Variants in SBF2 observed in about 807,000 individuals in gnomAD.
SBF2 encodes SET binding factor 2, also known as myotubularin-related protein 13.
In SBF2, 112 loss-of-function variants were observed where a neutral mutation model predicts 225.2. That is an observed-to-expected ratio of 0.50 (90% CI 0.43 to 0.58). The LOEUF (loss-of-function observed/expected upper bound fraction) is 0.58, where lower values mean the gene tolerates loss of function less well. SBF2 is among the 20% of genes least tolerant of loss of function. The pLI, the probability that SBF2 is intolerant of heterozygous loss-of-function variation, is 0.00. For synonymous variants in SBF2, 763 were observed against 773.3 expected, an observed-to-expected ratio of 0.99 and a Z score of 0.22; for missense variants, 1,996 against 2,206.2, an observed-to-expected ratio of 0.90 and a Z score of 1.91.
At chr11:9,901,048 A>T (rs1861683026) in intron 16 of SBF2, among the ~76,000 whole-genome samples, 1 of 152,212 alleles carries the variant, frequency 6.6e-6, no homozygotes, top group African/African-American at 2.4e-5. Context: ...TCATTTTAAA[A>T]TTTACTTATG....
intron 2 of SBF2, among the ~76,000 whole-genome samples, chr11:10,151,462 A>T (rs1400746093): frequency 6.6e-6 from 1 of 152,202 alleles, no homozygotes; most frequent in African/African-American, 2.4e-5. Context: ...CATAGAGCTT[A>T]TTTTCTTGGT....
intron 28 of SBF2, among the ~76,000 whole-genome samples, chr11:9,825,517 G>T (rs1226912378): frequency 6.6e-6 from 1 of 152,160 alleles, no homozygotes; most frequent in Non-Finnish European, 1.5e-5. Context: ...TTGGAAAGAT[G>T]ACTCAAGGAG....
At position 10,294,064 on chromosome 11, in the gene SBF2, G is replaced by C. The variant is rs1311980728; in HGVS notation, c.6C>G (p.Ala2=). The C allele has an allele frequency of 6.5e-6, 9 of 1,384,486 alleles. No individual in the cohort carries two copies. In the East Asian group the frequency reaches 2.8e-4, roughly 44 times the overall value. The allele number at this position is 1,384,486 out of a possible 1,614,324, so 85.8% of individuals were successfully genotyped here. The stretch of plus-strand genomic sequence containing the variant: ...CCACGATGAAGTAGTCAGCCAGCCG[G>C]GCCATGGCCGCCGCCGCCGCGCTCG... The part of the protein sequence containing the change: M[A]RLADYFIVVG... The change falls in exon 1 of 40, where the codon GCC becomes GCG. Residue 2 remains alanine (A), a synonymous_variant. Coordinates refer to ENST00000256190, the MANE Select transcript of SBF2 (RefSeq NM_030962.4).
At chr11:9,907,152 C>A (rs1229422146) in intron 16 of SBF2, among the ~76,000 whole-genome samples, 1 of 152,110 alleles carries the variant, frequency 6.6e-6, no homozygotes, top group African/African-American at 2.4e-5. Context: ...ATTAAAAACA[C>A]AAATTCCTCT....
intron 13 of SBF2, among the ~76,000 whole-genome samples, chr11:9,982,084 A>G (rs1243607395): frequency 1.3e-5 from 2 of 152,148 alleles, no homozygotes; most frequent in Admixed American, 1.3e-4. Context: ...ATCACATCCG[A>G]GTCCTTTTAA....
intron 1 of SBF2, among the ~76,000 whole-genome samples, chr11:10,253,312 G>A (rs1171745937): frequency 6.6e-6 from 1 of 152,028 alleles, no homozygotes; most frequent in African/African-American, 2.4e-5. Context: ...TGAGAGAAAG[G>A]AAAGCAGAAA....
At chr11:10,051,878 G>C (rs191683538) in intron 2 of SBF2, among the ~76,000 whole-genome samples, 74 of 152,176 alleles carry the variant, frequency 4.9e-4, no homozygotes, top group African/African-American at 1.7e-3. Flanking sequence ...AATTTAATGA[G>C]AAGTACTCCT....
At chr11:9,938,229 T>C (rs1271909219) in intron 16 of SBF2, among the ~76,000 whole-genome samples, 1 of 151,198 alleles carries the variant, frequency 6.6e-6, no homozygotes, top group Admixed American at 6.6e-5. Context: ...AGGTGGAGCT[T>C]GCAGTGAGCT....
intron 1 of SBF2, among the ~76,000 whole-genome samples, chr11:10,233,859 A>G (rs539054188): frequency 4.6e-5 from 7 of 152,236 alleles, no homozygotes; most frequent in East Asian, 1.9e-4. Context: ...TCGATATACA[A>G]TCTTACTCTT....
intron 17 of SBF2, among the ~76,000 whole-genome samples, chr11:9,893,429 G>A (rs967583436): frequency 6.6e-6 from 1 of 152,094 alleles, no homozygotes; most frequent in Non-Finnish European, 1.5e-5. Context: ...TTTCTCCTTT[G>A]CCAAAATGCA....
At chr11:10,061,791 C>A (rs974659793) in intron 2 of SBF2, among the ~76,000 whole-genome samples, 4 of 152,158 alleles carry the variant, frequency 2.6e-5, no homozygotes, top group African/African-American at 9.7e-5. Context: ...AGACTCAATG[C>A]TATTCCTATC....
rs563878786 is a variant in SBF2, at chr11:9,790,567, A to G, written c.4687T>C (p.Leu1563=). The G allele has an allele frequency of 8.3e-5, 131 of 1,584,422 alleles. No individual in the cohort carries two copies. The South Asian group carries it at 9.4e-4, about 11-fold the overall frequency. ...PIFFNYLYSP[L]EIEALKPNVN... ...ATTTCTTACTCTACCTCTATTTCCA[A>G]TGGTGAATATAAATAATTAAAGAAA... The change falls in exon 34 of 40, where the codon TTG becomes CTG. Residue 1563 remains leucine, a synonymous_variant. Coordinates refer to ENST00000256190, the MANE Select transcript of SBF2 (RefSeq NM_030962.4).
At chr11:9,845,491 C>T in intron 24 of SBF2, 74 bp downstream of exon 24, 1 of 1,351,118 alleles carries the variant, frequency 7.4e-7, no homozygotes, top group Non-Finnish European at 1.1e-6. Flanking sequence ...TACACCTGGA[C>T]ACAAAGGATA....
intron 24 of SBF2, among the ~76,000 whole-genome samples, chr11:9,844,214 A>G (rs1430731565): frequency 1.3e-5 from 2 of 152,222 alleles, no homozygotes; most frequent in Non-Finnish European, 2.9e-5. Flanking sequence ...ATGCTTCAGC[A>G]TACCATACCT....
chr11:10,246,599 T>C (rs1203815010), intron 1 of SBF2, among the ~76,000 whole-genome samples: 2 of 152,248 alleles, frequency 1.3e-5, no homozygotes, highest in East Asian at 3.8e-4. Context: ...CACAGGTTTC[T>C]GTCAATAAAA....
chr11:10,300,328 T>G (rs561173967), intron 1 of SBF2, among the ~76,000 whole-genome samples: 1 of 152,220 alleles, frequency 6.6e-6, no homozygotes, highest in African/African-American at 2.4e-5. Context: ...AAATATTTGT[T>G]GAAAGAATGA....
intron 2 of SBF2, among the ~76,000 whole-genome samples, chr11:10,175,341 A>G (rs534474785): frequency 2.5e-4 from 38 of 151,622 alleles, no homozygotes; most frequent in African/African-American, 8.9e-4. Context: ...TGGAAAACAA[A>G]AAAAGGTAGG....
At position 9,847,093 on chromosome 11, in the gene SBF2, G is replaced by C. The variant is rs1392834610; in HGVS notation, c.2807-10C>G. 4.3e-6 allele frequency: 7 copies of C among 1,613,502 alleles called. No individual in the cohort carries two copies. The highest frequency in any genetic ancestry group is 5.9e-6 in the Non-Finnish European group (7 of 1,179,628). On this transcript the variant is annotated splice_polypyrimidine_tract_variant and intron_variant, in intron 22 of 39. Coordinates refer to ENST00000256190, the MANE Select transcript of SBF2 (RefSeq NM_030962.4). ...ACTGTCTGCTCACCCACTGTAAATA[G>C]ACAGGACACAGCTTCAGCAACAACA...
rs755073278 is a variant in SBF2 at position 9,781,651 on chromosome 11, G to A, written c.5320-13C>T. The stretch of plus-strand genomic sequence containing the variant: ...CATAGTAGCGCAGCTGGAACCAAAA[G>A]GATACAAGTGAGATATAAGAGACAG... On this transcript the variant is annotated splice_polypyrimidine_tract_variant and intron_variant, in intron 38 of 39. Coordinates refer to ENST00000256190, the MANE Select transcript of SBF2 (RefSeq NM_030962.4). The A allele has an allele frequency of 3.1e-6, 5 of 1,613,940 alleles. No individual in the cohort carries two copies. The highest frequency in any genetic ancestry group is 2.7e-5 in the African/African-American group (2 of 74,910).
Sources: gnomAD v4.1 joint callset for allele counts (sites outside exome capture counted in the v4.1 genomes callset) on GRCh38, gnomAD v4.1.1 for gene constraint, MANE v1.5 for transcripts, NCBI Gene and HGNC (gene_info 2026-07-23, HGNC 2026-07-21) for gene names.